Variants in SAMD5 observed in about 807,000 individuals in gnomAD.
The protein encoded by SAMD5 is sterile alpha motif domain-containing protein 5.
In SAMD5, 13 loss-of-function variants were observed where a neutral mutation model predicts 11.3. That is an observed-to-expected ratio of 1.15 (90% CI 0.75 to 1.83). SAMD5 has a LOEUF of 1.83. Among genes scored for constraint, SAMD5 ranks in the 40% most tolerant of loss-of-function variants. The pLI, the probability that SAMD5 is intolerant of heterozygous loss-of-function variation, is 0.00. For missense variants in SAMD5, 255 were observed against 239.1 expected (o/e 1.07, Z -0.44); for synonymous variants, 129 against 111.3 (o/e 1.16, Z -1.00).
chr6:147,821,505 A>G, the SAMD5 span, among the ~76,000 whole-genome samples: 18 of 152,314 alleles, frequency 1.2e-4, no homozygotes, highest in East Asian at 3.3e-3. Flanking sequence ...GCTTTGCTCC[A>G]GAATCAAATA....
intron 1 of SAMD5, among the ~76,000 whole-genome samples, chr6:147,727,573 G>T (rs1402011478): frequency 2.0e-5 from 3 of 152,014 alleles, no homozygotes; most frequent in Non-Finnish European, 4.4e-5. Context: ...AGTAAACATG[G>T]TTTCCTGGTG....
chr6:147,851,934 A>G, the SAMD5 span, among the ~76,000 whole-genome samples: 1 of 152,206 alleles, frequency 6.6e-6, no homozygotes, highest in African/African-American at 2.4e-5. Flanking sequence ...ATGTCAATAC[A>G]TAGGTGCTTT....
chr6:147,702,623 A>G (rs2128457913), intron 1 of SAMD5, among the ~76,000 whole-genome samples: 1 of 152,330 alleles, frequency 6.6e-6, no homozygotes, highest in East Asian at 1.9e-4. Context: ...AGTGACAGGG[A>G]AAAATTCACC....
chr6:147,557,554 C>T (rs1439736811), intron 1 of SAMD5, among the ~76,000 whole-genome samples: 6 of 152,166 alleles, frequency 3.9e-5, no homozygotes, highest in Admixed American at 2.0e-4. Flanking sequence ...TTTCACCTGG[C>T]CTCTTGTTGG....
the SAMD5 span, among the ~76,000 whole-genome samples, chr6:147,952,976 G>A: frequency 6.6e-6 from 1 of 152,130 alleles, no homozygotes; most frequent in African/African-American, 2.4e-5. Flanking sequence ...TATACAGCTT[G>A]ACCAATTTTA....
chr6:147,758,520 G>A, the SAMD5 span, among the ~76,000 whole-genome samples: 4 of 152,196 alleles, frequency 2.6e-5, no homozygotes, highest in Non-Finnish European at 5.9e-5. Flanking sequence ...TGTTGCAAAT[G>A]TTTTGATATT....
rs1164560463 is a variant in SAMD5, at chr6:147,569,759, C to T, written c.*5303C>T. The stretch of plus-strand genomic sequence containing the variant: ...GCCCCTACAGAAGTGTGTGCATGGG[C>T]CTTGGAAAATCTACATGTGTATATC... On this transcript the variant is annotated 3_prime_UTR_variant, in exon 2 of 2. Transcript: ENST00000367474. 1 of 985,226 alleles carries T rather than the reference C, an allele frequency of 1.0e-6. No individual in the cohort carries two copies. The highest frequency in any genetic ancestry group is 1.7e-5 in the African/African-American group (1 of 57,220). The allele number at this position is 985,226 out of a possible 1,614,324, so 61.0% of individuals were successfully genotyped here. A position where few individuals can be genotyped will look rare whatever the true frequency, so the allele number is the denominator to read the frequency against.
At chr6:147,923,866 G>A in the SAMD5 span, among the ~76,000 whole-genome samples, 1 of 152,126 alleles carries the variant, frequency 6.6e-6, no homozygotes, top group African/African-American at 2.4e-5. Flanking sequence ...AAAGGTGCTG[G>A]GCATATATAG....
intron 1 of SAMD5, among the ~76,000 whole-genome samples, chr6:147,586,542 C>T (rs1328505949): frequency 6.6e-6 from 1 of 152,094 alleles, no homozygotes; most frequent in Non-Finnish European, 1.5e-5. Flanking sequence ...ACCTGGACTC[C>T]ACATTTAAAC....
chr6:147,776,002 C>G, the SAMD5 span, among the ~76,000 whole-genome samples: 2 of 152,106 alleles, frequency 1.3e-5, no homozygotes. Flanking sequence ...TTTAAATGTC[C>G]AGAATAGGTG....
intron 1 of SAMD5, among the ~76,000 whole-genome samples, chr6:147,608,776 A>AT (rs2128448910): frequency 6.6e-6 from 1 of 152,288 alleles, no homozygotes; most frequent in African/African-American, 2.4e-5. Flanking sequence ...TTAATTGTAC[A>AT]TTTTAAAATA....
the SAMD5 span, among the ~76,000 whole-genome samples, chr6:147,842,081 T>G: frequency 6.6e-6 from 1 of 152,176 alleles, no homozygotes; most frequent in Non-Finnish European, 1.5e-5. Context: ...TTAATTTACA[T>G]GTAATAATGA....
Position 147,643,744 on chromosome 6 carries a change from A to AGAAGGAAGGAAGGAAGGAAG in SAMD5, c.163-93541_163-93522dup, listed in dbSNP as rs6149848. ...GAGGGAAAGAGAAAGAGGGAAGGAA[A>AGAAGGAAGGAAGGAAGGAAG]GAAGGAAGGAAGGAAGGAAGGAAGG... On this transcript the variant is annotated intron_variant, in intron 1 of 1. Coordinates refer to the SAMD5 transcript ENST00000566741. Among the ~76,000 whole-genome samples the AGAAGGAAGGAAGGAAGGAAG allele has an allele frequency of 1.5e-3, 169 of 116,066 alleles. 1 individual carries two copies. Among genetic ancestry groups the AGAAGGAAGGAAGGAAGGAAG allele is most frequent in the East Asian group, 7.2e-3 (29 of 4,034 alleles). The allele number at this position is 116,066 out of a possible 152,430, so 76.1% of individuals were successfully genotyped here.
chr6:147,800,560 A>G, the SAMD5 span, among the ~76,000 whole-genome samples: 1 of 152,244 alleles, frequency 6.6e-6, no homozygotes. Context: ...GAGCCTACAG[A>G]GGCAGGCAGG....
chr6:147,655,409 T>C (rs1428759411), intron 1 of SAMD5, among the ~76,000 whole-genome samples: 1 of 152,222 alleles, frequency 6.6e-6, no homozygotes, highest in Non-Finnish European at 1.5e-5. Flanking sequence ...GTATAAATTT[T>C]CTCTTCTGAA....
At chr6:147,876,346 G>C in the SAMD5 span, among the ~76,000 whole-genome samples, 2 of 152,290 alleles carry the variant, frequency 1.3e-5, no homozygotes, top group East Asian at 1.9e-4. Context: ...CTAGTGCACT[G>C]TTTCAGAAAG....
chr6:147,774,851 A>C, the SAMD5 span, among the ~76,000 whole-genome samples: 2 of 152,146 alleles, frequency 1.3e-5, no homozygotes, highest in African/African-American at 4.8e-5. Flanking sequence ...ATTTTAACCA[A>C]ACTACTCCTT....
the SAMD5 span, among the ~76,000 whole-genome samples, chr6:147,857,336 T>A: frequency 1.1e-3 from 157 of 142,414 alleles, 1 homozygote; most frequent in Admixed American, 6.2e-4. Context: ...GGCCCCTGTC[T>A]GTACCAAAAA....
chr6:147,873,238 G>A, the SAMD5 span, among the ~76,000 whole-genome samples: 24 of 152,078 alleles, frequency 1.6e-4, no homozygotes, highest in South Asian at 2.1e-4. Flanking sequence ...TTAGCTGGGC[G>A]TGGTGGTGCA....
Sources: gnomAD v4.1 joint callset for allele counts (sites outside exome capture counted in the v4.1 genomes callset) on GRCh38, gnomAD v4.1.1 for gene constraint, MANE v1.5 for transcripts, NCBI Gene and HGNC (gene_info 2026-07-23, HGNC 2026-07-21) for gene names.